The following DOCK7 variants were observed in gnomAD, a reference collection of about 807,000 sequenced individuals.
The protein encoded by DOCK7 is dedicator of cytokinesis protein 7.
In DOCK7, 138 loss-of-function variants were observed where a neutral mutation model predicts 271.0. The ratio of observed to expected loss-of-function variants is 0.51; its 90% CI spans 0.44 to 0.59. DOCK7 has a LOEUF of 0.59. DOCK7 is among the 20% of genes least tolerant of loss of function. The pLI is 0.00. For synonymous variants in DOCK7, 823 were observed against 876.1 expected, an observed-to-expected ratio of 0.94 and a Z score of 1.07; for missense variants, 2,066 against 2,592.4, an observed-to-expected ratio of 0.80 and a Z score of 4.41.
chr1:62,495,494 T>C (rs1295168531), intron 39 of DOCK7, 87 bp downstream of exon 39: 2 of 760,920 alleles, frequency 2.6e-6, no homozygotes, highest in Non-Finnish European at 1.9e-6. Flanking sequence ...CAAATCATTT[T>C]TGTGTGTTTA....
intron 29 of DOCK7, among the ~76,000 whole-genome samples, chr1:62,533,172 T>C (rs1386753786): frequency 1.3e-5 from 2 of 152,080 alleles, no homozygotes; most frequent in Admixed American, 1.3e-4. Context: ...AACTTTCTGC[T>C]CCTTAAAACC....
intron 14 of DOCK7, among the ~76,000 whole-genome samples, chr1:62,616,425 C>T (rs1047273132): frequency 6.8e-6 from 1 of 147,558 alleles, no homozygotes; most frequent in Non-Finnish European, 1.5e-5. Flanking sequence ...GATTTTGAGG[C>T]TAATGTAAGA....
At chr1:62,629,818 C>T (rs932175364) in intron 11 of DOCK7, 1 of 152,182 alleles carries the variant, frequency 6.6e-6, no homozygotes, top group African/African-American at 2.4e-5. Context: ...AGTTAAGTCC[C>T]TACAGCATAT....
At chr1:62,650,669 C>A (rs202194165) in intron 4 of DOCK7, among the ~76,000 whole-genome samples, 61 of 152,144 alleles carry the variant, frequency 4.0e-4, no homozygotes, top group East Asian at 2.9e-3. Context: ...GAAGACATTT[C>A]TGCAGCCAAC....
chr1:62,610,626 C>T lies in DOCK7; in HGVS notation c.1682+8080G>A, dbSNP rs898197676. 1.1e-4 allele frequency among the ~76,000 whole-genome samples: 17 copies of T among 152,198 alleles called. No individual in the cohort carries two copies. In the South Asian group the frequency reaches 1.5e-3, roughly 13 times the overall value. On this transcript the variant is annotated intron_variant, in intron 14 of 49. Transcript: ENST00000635253. ...TGCTATCCCTCCCCTAGCCCCACCC[C>T]GACAGGTCCCAGTGTGTGATGTTCC...
At chr1:62,601,280 G>A (rs1249406374) in intron 14 of DOCK7, 3 of 964,070 alleles carry the variant, frequency 3.1e-6, no homozygotes, top group Non-Finnish European at 5.0e-6. Context: ...CTAAAAGATA[G>A]TTAAGAGATA....
intron 16 of DOCK7, among the ~76,000 whole-genome samples, chr1:62,581,860 A>G (rs1166507115): frequency 1.3e-5 from 2 of 152,210 alleles, no homozygotes; most frequent in East Asian, 3.8e-4. Flanking sequence ...CATACTATAC[A>G]ACAGCACCAA....
intron 18 of DOCK7, among the ~76,000 whole-genome samples, chr1:62,562,972 C>T (rs997660195): frequency 7.2e-5 from 11 of 152,184 alleles, no homozygotes; most frequent in Admixed American, 7.2e-4. Flanking sequence ...CTCTCCCCAA[C>T]TCATGCTACA....
chr1:62,480,374 T>G (rs2149267254), intron 43 of DOCK7, among the ~76,000 whole-genome samples: 1 of 152,342 alleles, frequency 6.6e-6, no homozygotes, highest in South Asian at 2.1e-4. Flanking sequence ...GTTTATTATG[T>G]TAGCCACTGT....
At position 62,539,785 on chromosome 1, in the gene DOCK7, C is replaced by G; in HGVS notation, c.3153G>C (p.Thr1051=). The stretch of plus-strand genomic sequence containing the variant: ...ATCGTGAAACTATATCACTAGCAAT[C>G]GTGCTGACAAGAGCTGCAATGTCAT... ...FMDDIAALVS[T]IASDIVSRFQ... The change falls in exon 26 of 50, where the codon ACG becomes ACC. Residue 1051 remains threonine, a synonymous_variant. Coordinates refer to ENST00000635253, the MANE Select transcript of DOCK7 (RefSeq NM_001367561.1). 6.2e-7 allele frequency: 1 copy of G among 1,613,294 alleles called. No homozygotes were observed. Among genetic ancestry groups the G allele is most frequent in the Non-Finnish European group, 8.5e-7 (1 of 1,179,802 alleles).
At chr1:62,537,160 T>C (rs1329556321) in intron 28 of DOCK7, among the ~76,000 whole-genome samples, 1 of 152,244 alleles carries the variant, frequency 6.6e-6, no homozygotes, top group Non-Finnish European at 1.5e-5. Context: ...ATCTTGCATT[T>C]GAAACTCATT....
At position 62,475,698 on chromosome 1, in the gene DOCK7, T is replaced by G. The variant is rs372923271; in HGVS notation, c.5961+9A>C. On this transcript the variant is annotated intron_variant, in intron 46 of 49. Coordinates refer to ENST00000635253, the MANE Select transcript of DOCK7 (RefSeq NM_001367561.1). Reference sequence around the variant, plus strand: ...TTCACTAATGCTGTTTGCCCATTAATGGACTTACCTCTTCTTTATGAGTGA... The same window carrying G: ...TTCACTAATGCTGTTTGCCCATTAAGGGACTTACCTCTTCTTTATGAGTGA... 3.2e-5 allele frequency: 52 copies of G among 1,612,184 alleles called. No homozygotes were observed. The highest frequency in any genetic ancestry group is 1.3e-5 in the African/African-American group (1 of 74,880).
intron 48 of DOCK7, chr1:62,457,907 T>A: frequency 7.9e-6 from 4 of 504,096 alleles, no homozygotes; most frequent in Non-Finnish European, 1.4e-5. Context: ...CCCAGCACTT[T>A]GGGAGGTCAA....
intron 7 of DOCK7, among the ~76,000 whole-genome samples, chr1:62,646,786 T>C (rs1571891204): frequency 1.3e-5 from 2 of 152,214 alleles, no homozygotes; most frequent in South Asian, 2.1e-4. Context: ...AGTTTCTTCC[T>C]GGGGTAATGA....
chr1:62,525,441 C>T (rs1355183909), intron 31 of DOCK7, among the ~76,000 whole-genome samples: 1 of 151,992 alleles, frequency 6.6e-6, no homozygotes, highest in Non-Finnish European at 1.5e-5. Flanking sequence ...TTGTTTTTGA[C>T]CTGAGTGGTA....
chr1:62,640,624 C>T (rs578110240), intron 7 of DOCK7, among the ~76,000 whole-genome samples: 7 of 152,298 alleles, frequency 4.6e-5, no homozygotes, highest in East Asian at 1.9e-4. Context: ...GCAAGGGCAA[C>T]GCCTATAACC....
At chr1:62,475,483 T>C (rs774736853) in intron 46 of DOCK7, 132 bp from the exon 47 acceptor site, 4 of 1,238,154 alleles carry the variant, frequency 3.2e-6, no homozygotes, top group African/African-American at 1.6e-5. Context: ...AATTCCAAAC[T>C]TGGATTCCTA....
At chr1:62,597,187 T>C (rs1649381889) in intron 14 of DOCK7, among the ~76,000 whole-genome samples, 1 of 152,274 alleles carries the variant, frequency 6.6e-6, no homozygotes, top group African/African-American at 2.4e-5. Context: ...CCCTCAACTT[T>C]AATAATAAAT....
intron 18 of DOCK7, among the ~76,000 whole-genome samples, chr1:62,570,530 T>C (rs1326058897): frequency 6.6e-6 from 1 of 152,170 alleles, no homozygotes; most frequent in Non-Finnish European, 1.5e-5. Context: ...GTAGACATTC[T>C]TCACAGAACT....
Sources: allele counts gnomAD v4.1 joint callset (sites outside exome capture counted in the v4.1 genomes callset), GRCh38; gene constraint gnomAD v4.1.1; transcripts MANE v1.5; gene names NCBI Gene and HGNC (gene_info 2026-07-23, HGNC 2026-07-21).